The following RMDN2 variants were observed in gnomAD, a reference collection of about 807,000 sequenced individuals.
RMDN2 encodes regulator of microtubule dynamics protein 2.
In RMDN2, 61 loss-of-function variants were observed where a neutral mutation model predicts 52.8. That is an observed-to-expected ratio of 1.16 (90% CI 0.94 to 1.43). The LOEUF (loss-of-function observed/expected upper bound fraction) is 1.43. RMDN2 is among the 40% of genes most tolerant of loss of function. The pLI is 0.00. For missense variants in RMDN2, 592 were observed against 475.3 expected, an observed-to-expected ratio of 1.25 and a Z score of -2.28; for synonymous variants, 180 against 153.1, an observed-to-expected ratio of 1.18 and a Z score of -1.30.
intron 7 of RMDN2, among the ~76,000 whole-genome samples, chr2:37,994,995 G>A (rs938866711): frequency 3.3e-5 from 5 of 152,054 alleles, no homozygotes; most frequent in Admixed American, 6.5e-5. Context: ...GCAGGTTAAG[G>A]AGATTGACAG....
intron 10 of RMDN2, among the ~76,000 whole-genome samples, chr2:38,048,204 A>T (rs1681387213): frequency 6.6e-6 from 1 of 152,212 alleles, no homozygotes; most frequent in African/African-American, 2.4e-5. Flanking sequence ...GGACTTCTGT[A>T]TGTGCTACAT....
intron 10 of RMDN2, among the ~76,000 whole-genome samples, chr2:38,055,696 C>A (rs943040762): frequency 2.0e-5 from 3 of 152,282 alleles, no homozygotes; most frequent in African/African-American, 7.2e-5. Flanking sequence ...GGAGGATGCA[C>A]TGTCTCTTAC....
intron 2 of RMDN2, among the ~76,000 whole-genome samples, chr2:37,965,687 T>A (rs1572846896): frequency 1.3e-5 from 2 of 152,346 alleles, no homozygotes; most frequent in Non-Finnish European, 2.9e-5. Context: ...TATTTTCCCA[T>A]GTCTTTACCT....
chr2:38,018,139 A>G (rs114027521), downstream of RMDN2, among the ~76,000 whole-genome samples: 1 of 152,190 alleles, frequency 6.6e-6, no homozygotes, highest in African/African-American at 2.4e-5. Flanking sequence ...GGCCACCTGG[A>G]CGTATAATGC....
intron 2 of RMDN2, among the ~76,000 whole-genome samples, chr2:37,933,268 G>A (rs1418939341): frequency 6.6e-6 from 1 of 151,916 alleles, no homozygotes; most frequent in Non-Finnish European, 1.5e-5. Flanking sequence ...GCCGGGCAGA[G>A]ACGCTCCTCA....
At chr2:37,959,054 C>G (rs1669853019) in intron 2 of RMDN2, among the ~76,000 whole-genome samples, 1 of 150,998 alleles carries the variant, frequency 6.6e-6, no homozygotes, top group Non-Finnish European at 1.5e-5. Flanking sequence ...TTTGGTTTGC[C>G]AGTATTTTAT....
In RMDN2 at chr2:38,003,604, G is replaced by GATAGATAGGCAGACAGA. The variant is rs1306774545; in HGVS notation, c.1045-387_1045-386insATAGATAGGCAGACAGA. 5.8e-3 allele frequency among the ~76,000 whole-genome samples: 597 copies of GATAGATAGGCAGACAGA among 103,066 alleles called. 8 individuals carry two copies. The highest frequency in any genetic ancestry group is 0.01 in the Middle Eastern group (2 of 198). 67.6% of individuals were successfully genotyped at this position (103,066 alleles called of 152,430 possible). A position where few individuals can be genotyped will look rare whatever the true frequency, so the allele number is the denominator to read the frequency against. On this transcript the variant is annotated intron_variant, in intron 8 of 10. Transcript: ENST00000354545. ...GATAGATAGATAGATAGATAGATAG[G>GATAGATAGGCAGACAGA]CAGACAGACAGACAGACAGACAAAT...
intron 10 of RMDN2, among the ~76,000 whole-genome samples, chr2:38,008,563 A>C (rs1316031218): frequency 1.3e-5 from 2 of 151,902 alleles, no homozygotes; most frequent in African/African-American, 2.4e-5. Flanking sequence ...TGCTTGGTAG[A>C]TCTTCCTCCA....
chr2:38,003,761 C>T (rs1676679544), intron 8 of RMDN2, among the ~76,000 whole-genome samples: 1 of 152,108 alleles, frequency 6.6e-6, no homozygotes, highest in Non-Finnish European at 1.5e-5. Context: ...GCTTTGTAAG[C>T]TTTATGACCA....
intron 10 of RMDN2, among the ~76,000 whole-genome samples, chr2:38,050,747 T>C (rs1681543968): frequency 6.6e-6 from 1 of 152,102 alleles, no homozygotes; most frequent in Admixed American, 6.5e-5. Flanking sequence ...TGTTCATTTG[T>C]TTTAGTTTGT....
At chr2:37,986,723 T>C (rs1323620660) in intron 5 of RMDN2, among the ~76,000 whole-genome samples, 1 of 151,956 alleles carries the variant, frequency 6.6e-6, no homozygotes, top group African/African-American at 2.4e-5. Flanking sequence ...TTTGACAAAA[T>C]CTAACACTCA....
At chr2:38,042,208 A>G (rs1300749444) in intron 10 of RMDN2, among the ~76,000 whole-genome samples, 3 of 152,116 alleles carry the variant, frequency 2.0e-5, no homozygotes, top group Non-Finnish European at 4.4e-5. Flanking sequence ...AGTCCAGTTC[A>G]TCTAAGTTAT....
chr2:37,981,108 C>T (rs1000290819), intron 4 of RMDN2, among the ~76,000 whole-genome samples, 175 bp from the exon 5 acceptor site: 2 of 152,338 alleles, frequency 1.3e-5, no homozygotes, highest in South Asian at 4.1e-4. Context: ...CCCAATCCCA[C>T]AGTGTGTGAT....
exon 11 of RMDN2, chr2:38,066,990 G>C (rs1682311122): frequency 6.2e-7 from 1 of 1,613,868 alleles, no homozygotes; most frequent in Admixed American, 1.7e-5. Context: ...AGGAGCTGTA[G>C]TCTGGAAGAT....
At chr2:37,931,196 A>G (rs1666711104) in intron 2 of RMDN2, among the ~76,000 whole-genome samples, 1 of 152,216 alleles carries the variant, frequency 6.6e-6, no homozygotes, top group African/African-American at 2.4e-5. Flanking sequence ...TTTGAAAATT[A>G]TTGAGAGTCA....
At chr2:37,972,415 T>A (rs1397051320) in intron 2 of RMDN2, among the ~76,000 whole-genome samples, 1 of 152,122 alleles carries the variant, frequency 6.6e-6, no homozygotes. Context: ...ACTGATATGT[T>A]CAAGGAATAT....
chr2:38,005,206 T>C (rs1343219610), intron 10 of RMDN2, among the ~76,000 whole-genome samples: 6 of 152,262 alleles, frequency 3.9e-5, no homozygotes, highest in Non-Finnish European at 2.9e-5. Flanking sequence ...TCTTTGGCTA[T>C]ATACCCAGTA....
upstream of RMDN2, among the ~76,000 whole-genome samples, chr2:37,921,235 A>G (rs1666021190): frequency 6.6e-6 from 1 of 152,266 alleles, no homozygotes; most frequent in South Asian, 2.1e-4. Context: ...TATTGCACTA[A>G]TCACTTAGTC....
intron 2 of RMDN2, among the ~76,000 whole-genome samples, chr2:37,960,550 G>A (rs147836250): frequency 0.015 from 2,254 of 152,014 alleles, 48 homozygotes; most frequent in African/African-American, 0.052. Context: ...CACATGATAT[G>A]GGTCTCCTGA....
Sources: allele counts gnomAD v4.1 joint callset (sites outside exome capture counted in the v4.1 genomes callset), GRCh38; gene constraint gnomAD v4.1.1; transcripts MANE v1.5; gene names NCBI Gene and HGNC (gene_info 2026-07-23, HGNC 2026-07-21).